Variants in SCN4A observed in about 807,000 individuals in gnomAD.
SCN4A encodes sodium voltage-gated channel alpha subunit 4.
Under a neutral mutation model 162.0 loss-of-function variants are expected in SCN4A, and 83 were observed. That is an observed-to-expected ratio of 0.51 (90% confidence interval 0.43 to 0.61). SCN4A has a LOEUF of 0.61. SCN4A is among the 20% of genes least tolerant of loss of function. The probability of loss-of-function intolerance (pLI) is 0.00; values close to 1 mark genes in which losing one functional copy is unlikely to be tolerated. For missense variants in SCN4A, 2,196 were observed against 2,462.5 expected (o/e 0.89, Z 2.29); for synonymous variants, 944 against 985.1 (o/e 0.96, Z 0.78).
In SCN4A at chr17:63,945,452, C is replaced by T. The variant is rs761135349; in HGVS notation, c.3628G>A (p.Glu1210Lys). 12 of 1,613,700 alleles carry T rather than the reference C, an allele frequency of 7.4e-6. No homozygotes were observed. Among genetic ancestry groups the T allele is most frequent in the East Asian group, 6.7e-5 (3 of 44,880 alleles). Residue 1210 changes from glutamate (E) to lysine (K), a missense_variant, in exon 19 of 24, where the codon GAG becomes AAG. Glu to Lys is a moderately conservative substitution (Grantham distance 56, BLOSUM62 1). Transcript: ENST00000435607. The surrounding 1 kb of genome is among the most constrained non-coding windows in gnomAD (Gnocchi z 4.4). ...ISEVNNKSEC[E>K]SLMHTGQVRW... ...ACCTGGCCTGTGTGCATGAGGCTCTCGCACTCAGACTTGTTGTTGACCTCG... is the reference window on the plus strand; with the variant it reads ...ACCTGGCCTGTGTGCATGAGGCTCTTGCACTCAGACTTGTTGTTGACCTCG...
rs1909659884 is a variant in SCN4A at position 63,972,809 on chromosome 17, A to G, written c.33T>C (p.Pro11=). 6.2e-7 allele frequency: 1 copy of G among 1,613,214 alleles called. No homozygotes were observed. The highest frequency in any genetic ancestry group is 1.3e-5 in the African/African-American group (1 of 74,914). Residue 11 remains proline, a synonymous_variant, in exon 1 of 24, where the codon CCT becomes CCC. Transcript: ENST00000435607. The surrounding 1 kb of genome is among the most constrained non-coding windows in gnomAD (Gnocchi z 4.3). The part of the protein sequence containing the change: MARPSLCTLV[P]LGPECLRPFT... ...AGGGGCGCAAGCACTCAGGGCCCAG[A>G]GGCACCAGGGTGCACAGAGATGGTC...
In SCN4A at chr17:63,944,202, C is replaced by T. The variant is rs183985779; in HGVS notation, c.3913-352G>A. Among the ~76,000 whole-genome samples, 345 of 152,090 alleles carry T rather than the reference C, an allele frequency of 2.3e-3. 1 individual carries two copies. The highest frequency in any genetic ancestry group is 7.8e-3 in the African/African-American group (322 of 41,478). On this transcript the variant is annotated intron_variant, in intron 21 of 23. Transcript: ENST00000435607. The surrounding 1 kb of genome is among the most constrained non-coding windows in gnomAD (Gnocchi z 4.3). ...GTCACCAGGCTGGAGTGCAGTGGCG[C>T]GATCTTGGCCCACTGCAACCTCCAT...
At chr17:63,943,979 G>C in intron 21 of SCN4A, 129 bp from the exon 22 acceptor site, 1 of 642,244 alleles carries the variant, frequency 1.6e-6, no homozygotes, top group Non-Finnish European at 2.8e-6. Context: ...TGGAGGAAGC[G>C]GGAGGGTCAG....
chr17:63,957,493 G>A lies in SCN4A; in HGVS notation c.2045C>T (p.Ser682Leu), dbSNP rs751368967. The change falls in exon 13 of 24, where the codon TCG becomes TTG. Residue 682 changes from serine (S) to leucine (L), a missense_variant. Transcript: ENST00000435607. ...GATGAGCATGTTCAGCGTTGGCCAC[G>A]ACTTGGCCAGCTTGAAGACCCGCAG... ...RLLRVFKLAK[S>L]WPTLNMLIKI... is the part of the protein sequence containing the mutation. 4 of 1,611,728 alleles carry A rather than the reference G, an allele frequency of 2.5e-6. No homozygotes were observed. Among genetic ancestry groups the A allele is most frequent in the Non-Finnish European group, 3.4e-6 (4 of 1,177,972 alleles).
At position 63,952,852 on chromosome 17, in the gene SCN4A, G is replaced by A. The variant is rs77288261; in HGVS notation, c.2377-952C>T. 4.5e-3 allele frequency among the ~76,000 whole-genome samples: 682 copies of A among 152,236 alleles called. 6 individuals carry two copies. Among genetic ancestry groups the A allele is most frequent in the African/African-American group, 0.016 (652 of 41,538 alleles). Reference sequence around the variant, plus strand: ...GCCTCAGGGAGCTCACAGACCAGCAGAGACAGAGAGCAGATCAATCACATG... The same window carrying A: ...GCCTCAGGGAGCTCACAGACCAGCAAAGACAGAGAGCAGATCAATCACATG... On this transcript the variant is annotated intron_variant, in intron 13 of 23. Transcript: ENST00000435607.
At chr17:63,965,102 C>T (rs1234992885) in intron 8 of SCN4A, among the ~76,000 whole-genome samples, 2 of 150,444 alleles carry the variant, frequency 1.3e-5, no homozygotes, top group Non-Finnish European at 3.0e-5. Flanking sequence ...TGGAGTGCAG[C>T]GGTGTGATCT....
Position 63,964,390 on chromosome 17 carries a change from C to A in SCN4A, c.1452+78G>T. ...GTACCCTCCCTCACCCTCGGCCCCC[C>A]AGGGAGAAGCCAGTGGCAGCCCCGG... On this transcript the variant is annotated intron_variant, in intron 9 of 23. Transcript: ENST00000435607. 4.5e-6 allele frequency: 6 copies of A among 1,345,696 alleles called. No homozygotes were observed. In the South Asian group the frequency reaches 7.3e-5, roughly 16 times the overall value. The allele number at this position is 1,345,696 out of a possible 1,614,324, so 83.4% of individuals were successfully genotyped here.
intron 10 of SCN4A, among the ~76,000 whole-genome samples, chr17:63,962,461 T>G (rs1055662359): frequency 2.0e-5 from 3 of 152,212 alleles, no homozygotes; most frequent in Non-Finnish European, 4.4e-5. Flanking sequence ...GTGGGCTGTT[T>G]GGCTGTGTGG....
chr17:63,964,457 TGAG>T lies in SCN4A; in HGVS notation c.1452+8_1452+10del. ...CCCTGGGTCCTCTATCTCCTTTCCC[TGAG>T]TCCAGACCTTCTCCAGCTCCTCCTG... On this transcript the variant is annotated splice_region_variant and intron_variant, in intron 9 of 23. Transcript: ENST00000435607. The T allele has an allele frequency of 3.1e-6, 5 of 1,612,968 alleles. No homozygotes were observed. Among genetic ancestry groups the T allele is most frequent in the Non-Finnish European group, 4.2e-6 (5 of 1,179,062 alleles).
In SCN4A at chr17:63,940,888, T is replaced by C. The variant is rs916993526; in HGVS notation, c.5394A>G (p.Ala1798=). ...GCCCCATAGTGGGTCCGGCGTCCCC[T>C]GCCTCGCCCTTCTCCTCCGGGCTTG... The part of the protein sequence containing the change: ...SSPSPEEKGE[A]GDAGPTMGLM... The change falls in exon 24 of 24, where the codon GCA becomes GCG. Residue 1798 remains alanine (A), a synonymous_variant. Transcript: ENST00000435607. 5.0e-6 allele frequency: 8 copies of C among 1,613,760 alleles called. No homozygotes were observed. In the Admixed American group the frequency reaches 8.3e-5, roughly 17 times the overall value.
Position 63,945,049 on chromosome 17 carries a change from C to T in SCN4A, c.3732G>A (p.Lys1244=). ...YLSLLQVATF[K]GWMDIMYAAV... ...CTGCATACATGATGTCCATCCAACC[C>T]TTGAAGGTGGCCTGAGAGAGTGTGG... is the stretch of plus-strand genomic sequence containing the variant. The change falls in exon 20 of 24, where the codon AAG becomes AAA. Residue 1244 remains lysine, a synonymous_variant. Coordinates refer to ENST00000435607, the MANE Select transcript of SCN4A (RefSeq NM_000334.4). The surrounding 1 kb of genome is among the most constrained non-coding windows in gnomAD (Gnocchi z 4.4). 6.2e-7 allele frequency: 1 copy of T among 1,613,832 alleles called. No homozygotes were observed. The highest frequency in any genetic ancestry group is 1.7e-5 in the Admixed American group (1 of 60,014).
chr17:63,964,506 G>T lies in SCN4A; in HGVS notation c.1414C>A (p.Leu472Ile), dbSNP rs746109162. Residue 472 changes from leucine to isoleucine, a missense_variant, in exon 9 of 24, where the codon CTT becomes ATT. Coordinates refer to ENST00000435607, the MANE Select transcript of SCN4A (RefSeq NM_000334.4). ...TCCTGGTGCTTTTTGAACTTCTCAA[G>T]CATCTGCTGAAACTCCTCCTCTTTC... ...KEKEEEFQQM[L>I]EKFKKHQEEL... 40 of 1,613,932 alleles carry T rather than the reference G, an allele frequency of 2.5e-5. No individual in the cohort carries two copies. Among genetic ancestry groups the T allele is most frequent in the Non-Finnish European group, 3.1e-5 (37 of 1,179,906 alleles).
chr17:63,949,768 G>C (rs1002499411), intron 14 of SCN4A: 14 of 438,342 alleles, frequency 3.2e-5, no homozygotes, highest in Non-Finnish European at 5.7e-5. Context: ...CCTGGGAAGG[G>C]ACGGTAAGGG....
At position 63,942,258 on chromosome 17, in the gene SCN4A, GGT is replaced by G. The variant is rs58036769; in HGVS notation, c.4289-267_4289-266del. ...CCCAAGGCTGTTTGCAAATGCCACTGGTGTGTGTGTGTGTGTGTGTGTGTGTG... is the reference window on the plus strand; with the variant it reads ...CCCAAGGCTGTTTGCAAATGCCACTGGTGTGTGTGTGTGTGTGTGTGTGTG... On this transcript the variant is annotated intron_variant, in intron 23 of 23. Coordinates refer to ENST00000435607, the MANE Select transcript of SCN4A (RefSeq NM_000334.4). Among the ~76,000 whole-genome samples, 1,300 of 138,500 alleles carry G rather than the reference GGT, an allele frequency of 9.4e-3. 11 individuals are homozygous for G. Among genetic ancestry groups the G allele is most frequent in the East Asian group, 0.028 (140 of 4,930 alleles). The allele number at this position is 138,500 out of a possible 152,430, so 90.9% of individuals were successfully genotyped here. A position where few individuals can be genotyped will look rare whatever the true frequency, so the allele number is the denominator to read the frequency against.
At chr17:63,942,551 A>T (rs994411628) in intron 23 of SCN4A, among the ~76,000 whole-genome samples, 1 of 152,256 alleles carries the variant, frequency 6.6e-6, no homozygotes, top group Non-Finnish European at 1.5e-5. Flanking sequence ...CAGACATGGA[A>T]CCATCTTTTA....
chr17:63,938,699 C>G lies in SCN4A; in HGVS notation c.*2072G>C, dbSNP rs192346663. On this transcript the variant is annotated 3_prime_UTR_variant, in exon 24 of 24. Transcript: ENST00000435607. Reference sequence around the variant, plus strand: ...GCCACAGGCAGGGAGAGGCCGGACCCGGCTCATCTACTCTTCCTCTGCAAC... The same window carrying G: ...GCCACAGGCAGGGAGAGGCCGGACCGGGCTCATCTACTCTTCCTCTGCAAC... 6.5e-6 allele frequency: 1 copy of G among 152,980 alleles called. No individual in the cohort carries two copies. The highest frequency in any genetic ancestry group is 1.5e-5 in the Non-Finnish European group (1 of 68,210). The allele number at this position is 152,980 out of a possible 1,614,324, so 9.5% of individuals were successfully genotyped here. A position where few individuals can be genotyped will look rare whatever the true frequency, so the allele number is the denominator to read the frequency against.
Position 63,964,630 on chromosome 17 carries a change from G to A in SCN4A, c.1290C>T (p.Ile430=). The part of the protein sequence containing the change: ...GKTYMIFFVV[I]IFLGSFYLIN... ...TGAGGTAGAAAGAGCCCAGGAAGAT[G>A]ATGACCACGAAGAAGATCATGTAGG... Residue 430 remains isoleucine (I), a synonymous_variant, in exon 9 of 24, where the codon ATC becomes ATT. Transcript: ENST00000435607. The A allele has an allele frequency of 6.2e-7, 1 of 1,612,740 alleles. No individual in the cohort carries two copies. The highest frequency in any genetic ancestry group is 8.5e-7 in the Non-Finnish European group (1 of 1,179,490).
In SCN4A at chr17:63,949,404, C is replaced by A. The variant is rs1179693368; in HGVS notation, c.2978G>T (p.Cys993Phe). 3.2e-6 allele frequency: 5 copies of A among 1,580,824 alleles called. No homozygotes were observed. Among genetic ancestry groups the A allele is most frequent in the Non-Finnish European group, 4.3e-6 (5 of 1,162,668 alleles). Residue 993 changes from cysteine (C) to phenylalanine (F), a missense_variant, in exon 15 of 24, where the codon TGC becomes TTC. Physicochemically the swap from Cys to Phe is radical, Grantham distance 205. Coordinates refer to ENST00000435607, the MANE Select transcript of SCN4A (RefSeq NM_000334.4). ...ENPEGEQPEE[C>F]FTEACVQRWP... Reference sequence around the variant, plus strand: ...AGGGGTGCCCTCACCCTCAGTGAAGCACTCCTCAGGCTGCTCCCCCTCGGG... The same window carrying A: ...AGGGGTGCCCTCACCCTCAGTGAAGAACTCCTCAGGCTGCTCCCCCTCGGG...
At chr17:63,959,779 C>T (rs1292171668) in intron 11 of SCN4A, among the ~76,000 whole-genome samples, 3 of 152,310 alleles carry the variant, frequency 2.0e-5, no homozygotes, top group African/African-American at 7.2e-5. Context: ...TGTGACTTCA[C>T]TGGTATCCTG....
Sources: allele counts gnomAD v4.1 joint callset (sites outside exome capture counted in the v4.1 genomes callset), GRCh38; gene constraint gnomAD v4.1.1; non-coding constraint Gnocchi (gnomAD v3.1); transcripts MANE v1.5; gene names NCBI Gene and HGNC (gene_info 2026-07-23, HGNC 2026-07-21).